Variants in HAND2 observed in about 807,000 individuals in gnomAD.
HAND2 encodes the protein heart- and neural crest derivatives-expressed protein 2.
Under a neutral mutation model 14.7 loss-of-function variants are expected in HAND2, and 2 were observed. The observed-to-expected ratio is 0.14, with a 90% CI of 0.06 to 0.43. HAND2 has a LOEUF of 0.43. HAND2 is among the 20% of genes least tolerant of loss of function. The probability of loss-of-function intolerance (pLI) is 0.99; values close to 1 mark genes in which losing one functional copy is unlikely to be tolerated. For synonymous variants in HAND2, 162 were observed against 135.9 expected, an observed-to-expected ratio of 1.19 and a Z score of -1.34; for missense variants, 275 against 313.6, an observed-to-expected ratio of 0.88 and a Z score of 0.93.
rs1397899344 is a variant in HAND2 at position 173,528,067 on chromosome 4, C to T, written c.555+668G>A. Reference sequence around the variant, plus strand: ...AACAATGACCATAGTAATGCCTTTTCCCCCTTAAAATGTACAGGCTTATTC... The same window carrying T: ...AACAATGACCATAGTAATGCCTTTTTCCCCTTAAAATGTACAGGCTTATTC... On this transcript the variant is annotated intron_variant, in intron 1 of 1. Transcript: ENST00000359562. The surrounding 1 kb of genome is among the most constrained non-coding windows in gnomAD (Gnocchi z 5.6). 1.9e-5 allele frequency: 3 copies of T among 154,132 alleles called. No homozygotes were observed. Among genetic ancestry groups the T allele is most frequent in the Admixed American group, 1.3e-4 (2 of 15,600 alleles). The allele number at this position is 154,132 out of a possible 1,614,324, so 9.5% of individuals were successfully genotyped here.
At position 173,529,982 on chromosome 4, in the gene HAND2, G is replaced by C. The variant is rs1299748037; in HGVS notation, c.-693C>G. 1 of 151,942 alleles carries C rather than the reference G, an allele frequency of 6.6e-6. No homozygotes were observed. Among genetic ancestry groups the C allele is most frequent in the Non-Finnish European group, 1.5e-5 (1 of 68,002 alleles). The allele number at this position is 151,942 out of a possible 1,614,324, so 9.4% of individuals were successfully genotyped here. A position where few individuals can be genotyped will look rare whatever the true frequency, so the allele number is the denominator to read the frequency against. Reference sequence around the variant, plus strand: ...TTTTAGCTGCGAGTAACGTGTCCTCGCTCCTCTCGCGCTCTCTCGGAGGGT... The same window carrying C: ...TTTTAGCTGCGAGTAACGTGTCCTCCCTCCTCTCGCGCTCTCTCGGAGGGT... On this transcript the variant is annotated 5_prime_UTR_variant, in exon 1 of 2. Transcript: ENST00000359562.
Position 173,529,142 on chromosome 4 carries a change from G to A in HAND2, c.148C>T (p.His50Tyr), listed in dbSNP as rs1171360005. The A allele has an allele frequency of 1.0e-5, 15 of 1,479,388 alleles. No homozygotes were observed. The highest frequency in any genetic ancestry group is 1.2e-5 in the Non-Finnish European group (14 of 1,125,754). 91.6% of individuals were successfully genotyped at this position (1,479,388 alleles called of 1,614,324 possible). The change falls in exon 1 of 2, where the codon CAC becomes TAC. Residue 50 changes from histidine (H) to tyrosine (Y), a missense_variant. Transcript: ENST00000359562. Reference sequence around the variant, plus strand: ...TAGTCGGGGGGCGACATCTCGGGGTGGCCGATGAGCCAGCCATGGAAGTAG... The same window carrying A: ...TAGTCGGGGGGCGACATCTCGGGGTAGCCGATGAGCCAGCCATGGAAGTAG... ...NPYFHGWLIG[H>Y]PEMSPPDYSM...
At position 173,527,286 on chromosome 4, in the gene HAND2, G is replaced by C; in HGVS notation, c.645C>G (p.Leu215=). The change falls in exon 2 of 2, where the codon CTC becomes CTG. Residue 215 remains leucine (L), a synonymous_variant. Coordinates refer to ENST00000359562, the MANE Select transcript of HAND2 (RefSeq NM_021973.3). ...CTCCTTCTCCTCCTCCTCACTGCTT[G>C]AGCTCCAGGGCCCAGACGTGCTGCG... ...GWPQHVWALE[L]KQ The C allele has an allele frequency of 6.2e-7, 1 of 1,611,098 alleles. No individual in the cohort carries two copies. Among genetic ancestry groups the C allele is most frequent in the Non-Finnish European group, 8.5e-7 (1 of 1,178,460 alleles).
chr4:173,527,001 G>A lies in HAND2; in HGVS notation c.*276C>T. 1.6e-6 allele frequency: 1 copy of A among 617,928 alleles called. No homozygotes were observed. The highest frequency in any genetic ancestry group is 1.5e-5 in the South Asian group (1 of 65,960). 38.3% of individuals were successfully genotyped at this position (617,928 alleles called of 1,614,324 possible). A position where few individuals can be genotyped will look rare whatever the true frequency, so the allele number is the denominator to read the frequency against. On this transcript the variant is annotated 3_prime_UTR_variant, in exon 2 of 2. Coordinates refer to ENST00000359562, the MANE Select transcript of HAND2 (RefSeq NM_021973.3). ...ACGCACACAGAATCTATGAGACGAC[G>A]GGATCCCTTACCACACGGGAGTGTC...
Position 173,528,248 on chromosome 4 carries a change from A to C in HAND2, c.555+487T>G, listed in dbSNP as rs762963868. The stretch of plus-strand genomic sequence containing the variant: ...GGGCATAGTATGAGAACAACCACAA[A>C]ACTCAGGGCTCAGTCTCTGGCAGCC... On this transcript the variant is annotated intron_variant, in intron 1 of 1. Transcript: ENST00000359562. The surrounding 1 kb of genome is among the most constrained non-coding windows in gnomAD (Gnocchi z 5.6). The C allele has an allele frequency of 4.3e-5, 7 of 161,036 alleles. No homozygotes were observed. Among genetic ancestry groups the C allele is most frequent in the Non-Finnish European group, 8.2e-5 (6 of 73,590 alleles). The allele number at this position is 161,036 out of a possible 1,614,324, so 10.0% of individuals were successfully genotyped here. A position where few individuals can be genotyped will look rare whatever the true frequency, so the allele number is the denominator to read the frequency against.
Position 173,526,476 on chromosome 4 carries a change from G to A in HAND2, c.*801C>T, listed in dbSNP as rs1731454525. ...CAGGGTGACTGGTTGGAACCACTGAGTCTTTAAAATAAAGTTAGAGGCAAT... is the reference window on the plus strand; with the variant it reads ...CAGGGTGACTGGTTGGAACCACTGAATCTTTAAAATAAAGTTAGAGGCAAT... On this transcript the variant is annotated 3_prime_UTR_variant, in exon 2 of 2. Transcript: ENST00000359562. 1 of 156,484 alleles carries A rather than the reference G, an allele frequency of 6.4e-6. No homozygotes were observed. 9.7% of individuals were successfully genotyped at this position (156,484 alleles called of 1,614,324 possible). A position where few individuals can be genotyped will look rare whatever the true frequency, so the allele number is the denominator to read the frequency against.
rs1159979212 is a variant in HAND2 at position 173,528,697 on chromosome 4, C to T, written c.555+38G>A. On this transcript the variant is annotated intron_variant, in intron 1 of 1. Coordinates refer to ENST00000359562, the MANE Select transcript of HAND2 (RefSeq NM_021973.3). The surrounding 1 kb of genome is among the most constrained non-coding windows in gnomAD (Gnocchi z 5.6). The stretch of plus-strand genomic sequence containing the variant: ...AGGCCGGGAGCACCAGTTCCCTGAC[C>T]CCCTCAGCCCCACCGCCTGCCGCCC... The T allele has an allele frequency of 1.3e-6, 2 of 1,590,786 alleles. No homozygotes were observed. Among genetic ancestry groups the T allele is most frequent in the Non-Finnish European group, 8.6e-7 (1 of 1,169,216 alleles).
Position 173,526,730 on chromosome 4 carries a change from T to C in HAND2, c.*547A>G, listed in dbSNP as rs1041600039. 5 of 295,974 alleles carry C rather than the reference T, an allele frequency of 1.7e-5. No homozygotes were observed. Among genetic ancestry groups the C allele is most frequent in the South Asian group, 6.7e-5 (2 of 30,056 alleles). The allele number at this position is 295,974 out of a possible 1,614,324, so 18.3% of individuals were successfully genotyped here. On this transcript the variant is annotated 3_prime_UTR_variant, in exon 2 of 2. Coordinates refer to ENST00000359562, the MANE Select transcript of HAND2 (RefSeq NM_021973.3). The stretch of plus-strand genomic sequence containing the variant: ...ACAAAACAAGTGGCTGTTGGAAACA[T>C]CTTCAAAGAGGGAACGACCACAGAT...
rs1307168033 is a variant in HAND2 at position 173,530,098 on chromosome 4, A to T, written c.-809T>A. 6.6e-6 allele frequency: 1 copy of T among 150,898 alleles called. No individual in the cohort carries two copies. The highest frequency in any genetic ancestry group is 1.5e-5 in the Non-Finnish European group (1 of 67,692). 9.3% of individuals were successfully genotyped at this position (150,898 alleles called of 1,614,324 possible). A position where few individuals can be genotyped will look rare whatever the true frequency, so the allele number is the denominator to read the frequency against. On this transcript the variant is annotated 5_prime_UTR_variant, in exon 1 of 2. Coordinates refer to ENST00000359562, the MANE Select transcript of HAND2 (RefSeq NM_021973.3). This position sits in a 1 kb window ranked among gnomAD's most constrained non-coding sequence, Gnocchi z 6.2. The stretch of plus-strand genomic sequence containing the variant: ...CCTGAATGAGCCTTGGAGCTCGAAG[A>T]CCGCGGCTCGGGCTCTCGGAGGGCT...
rs147931838 is a variant in HAND2 at position 173,528,999 on chromosome 4, C to T, written c.291G>A (p.Pro97=). ...AGPPGLGGPR[P]VKRRGTANRK... ...GGTTGGCGGTGCCTCGGCGCTTCAC[C>T]GGGCGCGGCCCCCCCAGGCCCGGGG... The change falls in exon 1 of 2, where the codon CCG becomes CCA. Residue 97 remains proline, a synonymous_variant. Coordinates refer to ENST00000359562, the MANE Select transcript of HAND2 (RefSeq NM_021973.3). This position sits in a 1 kb window ranked among gnomAD's most constrained non-coding sequence, Gnocchi z 5.6. 6.5e-5 allele frequency: 105 copies of T among 1,609,386 alleles called. No homozygotes were observed. In the African/African-American group the frequency reaches 1.3e-3, roughly 20 times the overall value.
chr4:173,528,750 C>T lies in HAND2; in HGVS notation c.540G>A (p.Lys180=), dbSNP rs1731589336. ...EIKKTDVKEE[K]RKKELNEILK... The stretch of plus-strand genomic sequence containing the variant: ...TGGTACTGACCAGCTCCTTCTTCCT[C>T]TTCTCCTCTTTCACGTCGGTCTTCT... The change falls in exon 1 of 2, where the codon AAG becomes AAA. Residue 180 remains lysine (K), a synonymous_variant. Coordinates refer to ENST00000359562, the MANE Select transcript of HAND2 (RefSeq NM_021973.3). This position sits in a 1 kb window ranked among gnomAD's most constrained non-coding sequence, Gnocchi z 5.6. The T allele has an allele frequency of 6.2e-7, 1 of 1,613,898 alleles. No individual in the cohort carries two copies. Among genetic ancestry groups the T allele is most frequent in the African/African-American group, 1.3e-5 (1 of 75,068 alleles).
At position 173,529,293 on chromosome 4, in the gene HAND2, G is replaced by T. The variant is rs1731617723; in HGVS notation, c.-4C>A. The T allele has an allele frequency of 4.6e-6, 6 of 1,317,450 alleles. No homozygotes were observed. In the South Asian group the frequency reaches 1.2e-4, roughly 26 times the overall value. 81.6% of individuals were successfully genotyped at this position (1,317,450 alleles called of 1,614,324 possible). A position where few individuals can be genotyped will look rare whatever the true frequency, so the allele number is the denominator to read the frequency against. On this transcript the variant is annotated 5_prime_UTR_variant, in exon 1 of 2. Coordinates refer to ENST00000359562, the MANE Select transcript of HAND2 (RefSeq NM_021973.3). ...GAAAACCACCTACCAGACTCATTTC[G>T]CCCTCCGCGCCCCTCCACGCGCCCC... is the stretch of plus-strand genomic sequence containing the variant.
chr4:173,526,241 C>G lies in HAND2; in HGVS notation c.*1036G>C, dbSNP rs1731449308. 6.6e-6 allele frequency: 1 copy of G among 152,184 alleles called. No homozygotes were observed. The highest frequency in any genetic ancestry group is 2.4e-5 in the African/African-American group (1 of 41,434). 9.4% of individuals were successfully genotyped at this position (152,184 alleles called of 1,614,324 possible). A position where few individuals can be genotyped will look rare whatever the true frequency, so the allele number is the denominator to read the frequency against. ...TCAAGAAATGGCTTCTGATTGACTT[C>G]AGGAAAGCAAGAGCACCTTTACACC... On this transcript the variant is annotated 3_prime_UTR_variant, in exon 2 of 2. Transcript: ENST00000359562.
In HAND2 at chr4:173,530,054, CG is replaced by C. The variant is rs1731666644; in HGVS notation, c.-766del. On this transcript the variant is annotated 5_prime_UTR_variant, in exon 1 of 2. It introduces an in-frame stop codon into an upstream open reading frame of the 5' UTR. Transcript: ENST00000359562. The surrounding 1 kb of genome is among the most constrained non-coding windows in gnomAD (Gnocchi z 6.2). ...TCCATTTTCTCAGATCCTCTCCTTT[CG>C]GGGCAAGGATCTGGGGCCCTGAATG... 6.6e-6 allele frequency: 1 copy of C among 152,034 alleles called. No homozygotes were observed. Among genetic ancestry groups the C allele is most frequent in the South Asian group, 2.1e-4 (1 of 4,792 alleles). The allele number at this position is 152,034 out of a possible 1,614,324, so 9.4% of individuals were successfully genotyped here.
chr4:173,527,816 A>T (rs1731505704), intron 1 of HAND2: 2 of 181,178 alleles, frequency 1.1e-5, no homozygotes, highest in South Asian at 2.4e-4. Flanking sequence ...CCAGCTCAGC[A>T]GTGCCTCTCC....
chr4:173,527,071 T>C lies in HAND2; in HGVS notation c.*206A>G. ...GAATGCTTTTCTTCAAATATCCACT[T>C]TTTTTTTGGAGGGGGAGACGGGGAG... On this transcript the variant is annotated 3_prime_UTR_variant, in exon 2 of 2. Transcript: ENST00000359562. 2.9e-6 allele frequency: 2 copies of C among 695,544 alleles called. No individual in the cohort carries two copies. The highest frequency in any genetic ancestry group is 5.3e-6 in the Non-Finnish European group (2 of 380,948). The allele number at this position is 695,544 out of a possible 1,614,324, so 43.1% of individuals were successfully genotyped here.
rs1216380671 is a variant in HAND2, at chr4:173,526,637, T to G, written c.*640A>C. ...GTAAAAAAAAAACACAGTGGTTTAT[T>G]GAATACTTACAACGTTTACACCTTC... On this transcript the variant is annotated 3_prime_UTR_variant, in exon 2 of 2. Coordinates refer to ENST00000359562, the MANE Select transcript of HAND2 (RefSeq NM_021973.3). The G allele has an allele frequency of 5.5e-6, 1 of 181,106 alleles. No individual in the cohort carries two copies. Among genetic ancestry groups the G allele is most frequent in the Non-Finnish European group, 1.2e-5 (1 of 83,986 alleles). 11.2% of individuals were successfully genotyped at this position (181,106 alleles called of 1,614,324 possible).
At chr4:173,527,577 A>C in intron 1 of HAND2, 2 of 603,954 alleles carry the variant, frequency 3.3e-6, no homozygotes, top group South Asian at 1.9e-5. Flanking sequence ...TCGGCGCTGC[A>C]GCGCTCAACA....
At position 173,529,333 on chromosome 4, in the gene HAND2, C is replaced by G. The variant is rs1035777756; in HGVS notation, c.-44G>C. ...CCACGCGCCCCAGCGTGCGCGCAGCCCCGCCGCGCCCTCGGCCCGGGCCCC... is the reference window on the plus strand; with the variant it reads ...CCACGCGCCCCAGCGTGCGCGCAGCGCCGCCGCGCCCTCGGCCCGGGCCCC... On this transcript the variant is annotated 5_prime_UTR_variant, in exon 1 of 2. Transcript: ENST00000359562. 6 of 1,263,860 alleles carry G rather than the reference C, an allele frequency of 4.7e-6. No homozygotes were observed. The highest frequency in any genetic ancestry group is 4.7e-5 in the African/African-American group (3 of 63,832). The allele number at this position is 1,263,860 out of a possible 1,614,324, so 78.3% of individuals were successfully genotyped here.
Sources: allele counts gnomAD v4.1 joint callset, GRCh38; gene constraint gnomAD v4.1.1; non-coding constraint Gnocchi (gnomAD v3.1); transcripts MANE v1.5; gene names NCBI Gene and HGNC (gene_info 2026-07-23, HGNC 2026-07-21).